The following C9orf85 variants were observed in gnomAD, a reference collection of about 807,000 sequenced individuals.
The protein encoded by C9orf85 is chromosome 9 open reading frame 85.
C9orf85 carries 16 observed loss-of-function variants against 14.9 expected under a neutral mutation model. That is an observed-to-expected ratio of 1.08 (90% CI 0.73 to 1.63). C9orf85 has a LOEUF of 1.63. C9orf85 is among the 40% of genes most tolerant of loss of function. The pLI is 0.00. For synonymous variants in C9orf85, 45 were observed against 56.8 expected (o/e 0.79, Z 0.93); for missense variants, 172 against 186.1 (o/e 0.92, Z 0.44).
At chr9:71,947,197 C>G in intron 2 of C9orf85, 85 bp downstream of exon 2, 1 of 863,178 alleles carries the variant, frequency 1.2e-6, no homozygotes, top group Non-Finnish European at 1.7e-6. Context: ...AAATTGTGTC[C>G]AAATAAATGT....
intron 1 of C9orf85, among the ~76,000 whole-genome samples, chr9:71,912,470 C>A (rs1827532389): frequency 6.6e-6 from 1 of 152,096 alleles, no homozygotes. Context: ...GCAGGCCGGG[C>A]GCCGTGGCTC....
intron 3 of C9orf85, among the ~76,000 whole-genome samples, chr9:71,978,502 C>T (rs11788396): frequency 0.059 from 9,035 of 152,044 alleles, 376 homozygotes; most frequent in Non-Finnish European, 0.088. Flanking sequence ...TTTACAGATA[C>T]CTTGAGCAAA....
intron 1 of C9orf85, among the ~76,000 whole-genome samples, chr9:71,917,479 A>G (rs1827678530): frequency 6.6e-6 from 1 of 152,260 alleles, no homozygotes; most frequent in African/African-American, 2.4e-5. Context: ...GATTGCATTT[A>G]TACAGCAGAA....
At chr9:71,924,941 T>A (rs1009225480) in intron 1 of C9orf85, among the ~76,000 whole-genome samples, 5 of 152,190 alleles carry the variant, frequency 3.3e-5, no homozygotes, top group African/African-American at 1.2e-4. Flanking sequence ...TATAAAATAG[T>A]ATTGTGGTTA....
intron 3 of C9orf85, among the ~76,000 whole-genome samples, 162 bp downstream of exon 3, chr9:71,971,780 T>C (rs943262872): frequency 1.3e-5 from 2 of 152,070 alleles, no homozygotes; most frequent in Non-Finnish European, 2.9e-5. Context: ...AAGACCAGAC[T>C]GGCCAAGATG....
At chr9:71,969,325 A>G (rs2132355953) in intron 2 of C9orf85, among the ~76,000 whole-genome samples, 1 of 152,142 alleles carries the variant, frequency 6.6e-6, no homozygotes, top group Non-Finnish European at 1.5e-5. Context: ...TATTTTTAGT[A>G]GAGATGTGGT....
At chr9:71,944,940 A>T (rs557498312) in intron 1 of C9orf85, among the ~76,000 whole-genome samples, 1 of 152,272 alleles carries the variant, frequency 6.6e-6, no homozygotes, top group East Asian at 1.9e-4. Context: ...GTTTTGTTCT[A>T]CTGTTGATCC....
chr9:71,959,475 T>G (rs556533562), intron 2 of C9orf85, among the ~76,000 whole-genome samples: 4 of 152,174 alleles, frequency 2.6e-5, no homozygotes, highest in Non-Finnish European at 4.4e-5. Context: ...ATATGTTGGA[T>G]TCTAATAACA....
intron 1 of C9orf85, among the ~76,000 whole-genome samples, chr9:71,940,462 C>T (rs529796750): frequency 6.6e-6 from 1 of 152,012 alleles, no homozygotes; most frequent in East Asian, 1.9e-4. Flanking sequence ...AAAAAACCCA[C>T]GATGGCAAGT....
At chr9:71,920,212 TATTTTAGGTACTTC>T (rs1366075201) in intron 1 of C9orf85, among the ~76,000 whole-genome samples, 1 of 152,218 alleles carries the variant, frequency 6.6e-6, no homozygotes, top group African/African-American at 2.4e-5. Flanking sequence ...ATTAATCATA[TATTTTAGGTACTTC>T]ATTTTATGTC....
At chr9:71,927,994 T>G (rs979606534) in intron 1 of C9orf85, among the ~76,000 whole-genome samples, 1 of 152,080 alleles carries the variant, frequency 6.6e-6, no homozygotes, top group African/African-American at 2.4e-5. Context: ...GAGACCAGCC[T>G]GGCCAACATG....
At chr9:71,941,626 TA>T (rs1440898782) in intron 1 of C9orf85, among the ~76,000 whole-genome samples, 4 of 152,240 alleles carry the variant, frequency 2.6e-5, no homozygotes, top group African/African-American at 9.6e-5. Context: ...ATTCATGTAA[TA>T]GGGGAAAAAA....
chr9:71,942,719 A>C (rs1821969117), intron 1 of C9orf85, among the ~76,000 whole-genome samples: 1 of 152,168 alleles, frequency 6.6e-6, no homozygotes, highest in South Asian at 2.1e-4. Context: ...CCTAGCCAAC[A>C]TGGCAAAACC....
chr9:71,930,910 A>G (rs1034262413), intron 1 of C9orf85, among the ~76,000 whole-genome samples: 7 of 151,966 alleles, frequency 4.6e-5, no homozygotes, highest in African/African-American at 9.7e-5. Context: ...TCACTAGCAC[A>G]TTTGGTCTGA....
chr9:71,941,811 TA>T (rs1186237624), intron 1 of C9orf85: 1 of 152,194 alleles, frequency 6.6e-6, no homozygotes, highest in East Asian at 1.9e-4. Context: ...TTAGGTGTGG[TA>T]ACAGTATTGT....
chr9:71,958,552 G>A (rs904363476), intron 2 of C9orf85, among the ~76,000 whole-genome samples: 8 of 151,988 alleles, frequency 5.3e-5, no homozygotes, highest in Non-Finnish European at 7.4e-5. Context: ...GTGAGCTACC[G>A]CGCCCGGCCA....
chr9:71,979,380 A>C (rs1823057619), intron 3 of C9orf85, among the ~76,000 whole-genome samples: 1 of 152,222 alleles, frequency 6.6e-6, no homozygotes, highest in Non-Finnish European at 1.5e-5. Context: ...GACTCTCTTC[A>C]TGATGTTTAT....
intron 3 of C9orf85, 136 bp from the exon 4 acceptor site, chr9:71,972,556 G>C: frequency 1.8e-6 from 1 of 542,356 alleles, no homozygotes; most frequent in Non-Finnish European, 3.0e-6. Flanking sequence ...ACCACTCCCA[G>C]GTGGATCTTT....
chr9:71,968,621 CAG>C (rs1381561137), intron 2 of C9orf85, among the ~76,000 whole-genome samples: 5 of 152,100 alleles, frequency 3.3e-5, no homozygotes, highest in Non-Finnish European at 7.4e-5. Flanking sequence ...TTTTTTGAGA[CAG>C]AGTCTTGCTT....
Sources: allele counts gnomAD v4.1 joint callset (sites outside exome capture counted in the v4.1 genomes callset), GRCh38; gene constraint gnomAD v4.1.1; transcripts MANE v1.5; gene names NCBI Gene and HGNC (gene_info 2026-07-23, HGNC 2026-07-21).